The following ZFHX3 variants were observed in gnomAD, a reference collection of about 807,000 sequenced individuals.
ZFHX3 encodes the protein zinc finger homeobox 3, also known as zinc finger homeobox protein 3.
ZFHX3 carries 42 observed loss-of-function variants against 279.1 expected under a neutral mutation model. The observed-to-expected ratio is 0.15, with a 90% CI of 0.12 to 0.19. The LOEUF (loss-of-function observed/expected upper bound fraction) is 0.19, where lower values mean the gene tolerates loss of function less well. Among genes scored for constraint, ZFHX3 ranks in the 10% least tolerant of loss-of-function variants. ZFHX3 has a pLI of 1.00. For missense variants in ZFHX3, 4,981 were observed against 4,754.0 expected (o/e 1.05, Z -1.40); for synonymous variants, 2,293 against 1,957.8 (o/e 1.17, Z -4.52).
chr16:73,393,867 TTA>T (rs143178997), intron 3 of ZFHX3, among the ~76,000 whole-genome samples: 6 of 147,666 alleles, frequency 4.1e-5, no homozygotes, highest in African/African-American at 4.9e-5. Context: ...AGATATCCTA[TTA>T]TATATATATA....
At chr16:73,378,767 C>G (rs1358436843) in intron 3 of ZFHX3, among the ~76,000 whole-genome samples, 1 of 152,156 alleles carries the variant, frequency 6.6e-6, no homozygotes, top group East Asian at 1.9e-4. Context: ...GCTCTCATCT[C>G]AGAATTTTCT....
intron 5 of ZFHX3, among the ~76,000 whole-genome samples, chr16:73,183,619 C>T (rs1383454973): frequency 1.3e-5 from 2 of 152,216 alleles, no homozygotes; most frequent in Non-Finnish European, 2.9e-5. Flanking sequence ...GCCCAGACTT[C>T]ACACGCTGTC....
intron 2 of ZFHX3, among the ~76,000 whole-genome samples, chr16:73,645,500 C>A (rs570324299): frequency 2.4e-4 from 36 of 152,226 alleles, no homozygotes; most frequent in African/African-American, 8.7e-4. Context: ...TCGTGATCTG[C>A]CCGCCTTGGC....
At chr16:73,292,407 G>T (rs1451461770) in intron 4 of ZFHX3, among the ~76,000 whole-genome samples, 4 of 152,192 alleles carry the variant, frequency 2.6e-5, no homozygotes, top group Non-Finnish European at 5.9e-5. Context: ...GCAGCATTCT[G>T]TGGCTTTAAC....
At chr16:72,894,905 T>C (rs2038860492) in intron 3 of ZFHX3, among the ~76,000 whole-genome samples, 1 of 152,204 alleles carries the variant, frequency 6.6e-6, no homozygotes, top group Admixed American at 6.5e-5. Context: ...TTTTACTTTT[T>C]CCATTTTCTT....
intron 1 of ZFHX3, among the ~76,000 whole-genome samples, chr16:73,728,015 G>GCCC (rs3049673): frequency 0.17 from 12,864 of 74,718 alleles, 1,165 homozygotes; most frequent in East Asian, 0.44. Context: ...GCCGAATTGT[G>GCCC]CCCCCCCCCC....
chr16:72,869,600 C>G (rs6499590), intron 4 of ZFHX3, among the ~76,000 whole-genome samples: 3 of 151,824 alleles, frequency 2.0e-5, no homozygotes, highest in Admixed American at 2.0e-4. Flanking sequence ...CCCAGTCTTT[C>G]TAAAGTTCTG....
intron 2 of ZFHX3, among the ~76,000 whole-genome samples, chr16:73,575,049 T>C (rs1351598990): frequency 6.6e-6 from 1 of 152,224 alleles, no homozygotes; most frequent in Non-Finnish European, 1.5e-5. Context: ...TTTGTGTGTT[T>C]GATTAGTTTT....
intron 2 of ZFHX3, among the ~76,000 whole-genome samples, chr16:73,495,312 C>A (rs865886718): frequency 6.6e-6 from 1 of 152,282 alleles, no homozygotes; most frequent in Middle Eastern, 3.4e-3. Context: ...TTAAATCATG[C>A]CCTCTGCCAG....
chr16:73,644,166 G>A (rs139026468), intron 2 of ZFHX3, among the ~76,000 whole-genome samples: 60 of 151,948 alleles, frequency 3.9e-4, no homozygotes, highest in African/African-American at 1.3e-3. Context: ...CTTTCTCTCC[G>A]GTTTATACCC....
intron 2 of ZFHX3, among the ~76,000 whole-genome samples, chr16:73,647,351 T>C (rs1381408468): frequency 1.3e-5 from 2 of 152,178 alleles, no homozygotes; most frequent in Admixed American, 1.3e-4. Flanking sequence ...TCATGGCAGA[T>C]TGGAGCAGGG....
chr16:73,613,399 C>G (rs1227551717), intron 2 of ZFHX3, among the ~76,000 whole-genome samples: 8 of 150,750 alleles, frequency 5.3e-5, no homozygotes. Context: ...TATTTATTTT[C>G]ATTTACAGAA....
intron 1 of ZFHX3, among the ~76,000 whole-genome samples, chr16:73,868,579 C>A (rs80228617): frequency 0.033 from 5,011 of 152,242 alleles, 281 homozygotes; most frequent in African/African-American, 0.11. Context: ...ATTCCCACAG[C>A]TTCCCTCTGT....
chr16:73,425,634 T>G (rs2017797023), intron 3 of ZFHX3, among the ~76,000 whole-genome samples: 1 of 152,006 alleles, frequency 6.6e-6, no homozygotes, highest in Admixed American at 6.6e-5. Flanking sequence ...CTCAAGGGTA[T>G]GGCAGATGGG....
chr16:73,182,679 G>T (rs1967823797), intron 5 of ZFHX3, among the ~76,000 whole-genome samples: 3 of 152,164 alleles, frequency 2.0e-5, no homozygotes, highest in Admixed American at 2.0e-4. Flanking sequence ...GAAAATGTGT[G>T]TATATACCAT....
intron 2 of ZFHX3, among the ~76,000 whole-genome samples, chr16:73,608,020 A>T (rs998726523): frequency 6.6e-6 from 1 of 151,946 alleles, no homozygotes; most frequent in African/African-American, 2.4e-5. Flanking sequence ...GCTGCAGTGG[A>T]CTGTGATCAT....
chr16:73,077,272 A>C (rs1298131603), intron 8 of ZFHX3, among the ~76,000 whole-genome samples: 2 of 152,240 alleles, frequency 1.3e-5, no homozygotes, highest in Non-Finnish European at 2.9e-5. Context: ...AGAAGGAAAT[A>C]AATCAGTTTG....
chr16:73,730,367 A>G (rs2053559119), intron 1 of ZFHX3, among the ~76,000 whole-genome samples: 1 of 151,126 alleles, frequency 6.6e-6, no homozygotes, highest in Non-Finnish European at 1.5e-5. Context: ...AAAAAAAAAA[A>G]AAAAAAAAGA....
intron 5 of ZFHX3, among the ~76,000 whole-genome samples, chr16:73,252,910 A>T (rs1254298294): frequency 6.6e-6 from 1 of 152,218 alleles, no homozygotes; most frequent in African/African-American, 2.4e-5. Context: ...CCGGAGTCCA[A>T]AGAGAGGGGA....
Sources: allele counts gnomAD v4.1 joint callset (sites outside exome capture counted in the v4.1 genomes callset), GRCh38; gene constraint gnomAD v4.1.1; transcripts MANE v1.5; gene names NCBI Gene and HGNC (gene_info 2026-07-23, HGNC 2026-07-21).